The following SH3GL3 variants were observed in gnomAD, a reference collection of about 807,000 sequenced individuals.
SH3GL3 encodes SH3 domain containing GRB2 like 3, endophilin A3.
In SH3GL3, 33 loss-of-function variants were observed where a neutral mutation model predicts 47.7. The ratio of observed to expected loss-of-function variants is 0.69; its 90% confidence interval spans 0.52 to 0.92. The LOEUF is 0.92. SH3GL3 is among the 40% of genes least tolerant of loss of function. The probability of loss-of-function intolerance (pLI) is 0.00; values close to 1 mark genes in which losing one functional copy is unlikely to be tolerated. For synonymous variants in SH3GL3, 155 were observed against 148.8 expected (o/e 1.04, Z -0.30); for missense variants, 363 against 417.8 (o/e 0.87, Z 1.14).
intron 1 of SH3GL3, among the ~76,000 whole-genome samples, chr15:83,516,493 G>A (rs866522357): frequency 4.6e-5 from 7 of 152,126 alleles, no homozygotes; most frequent in African/African-American, 1.4e-4. Flanking sequence ...TTGGCTCATG[G>A]TTCTGCAGGC....
chr15:83,628,529 G>T, the SH3GL3 span, among the ~76,000 whole-genome samples: 1 of 152,086 alleles, frequency 6.6e-6, no homozygotes, highest in East Asian at 1.9e-4. Flanking sequence ...GATCACATGA[G>T]GTCAGGAGTC....
intron 1 of SH3GL3, among the ~76,000 whole-genome samples, chr15:83,535,889 G>A (rs1454935177): frequency 6.6e-6 from 1 of 152,036 alleles, no homozygotes; most frequent in East Asian, 1.9e-4. Flanking sequence ...TTGAAAATGG[G>A]CAAAAAAATA....
In SH3GL3 at chr15:83,495,636, C is replaced by A. The variant is rs188575299; in HGVS notation, c.45+48058C>A. ...CCTGAAGTCCTAGCTACTTGGGAGG[C>A]TGAGGCAGGAGAATTGCTTGAACCC... On this transcript the variant is annotated intron_variant, in intron 1 of 8. Coordinates refer to ENST00000427482, the MANE Select transcript of SH3GL3 (RefSeq NM_003027.5). Among the ~76,000 whole-genome samples the A allele has an allele frequency of 2.2e-3, 338 of 152,232 alleles. 5 individuals carry two copies. Among genetic ancestry groups the A allele is most frequent in the Admixed American group, 0.019 (293 of 15,294 alleles).
chr15:83,500,593 A>T (rs2042253079), intron 1 of SH3GL3, among the ~76,000 whole-genome samples: 1 of 152,230 alleles, frequency 6.6e-6, no homozygotes, highest in Non-Finnish European at 1.5e-5. Context: ...CTGGAGGGTG[A>T]AACCCGGAAG....
rs570717583 is a variant in SH3GL3 at position 83,610,534 on chromosome 15, G to GA, written c.839-7542dup. Among the ~76,000 whole-genome samples, 42 of 151,612 alleles carry GA rather than the reference G, an allele frequency of 2.8e-4. No homozygotes were observed. The South Asian group carries it at 8.8e-3, about 32-fold the overall frequency. On this transcript the variant is annotated intron_variant, in intron 8 of 8. Transcript: ENST00000427482. The stretch of plus-strand genomic sequence containing the variant: ...AACAGAGCAAGACAGTCTCAAAAAA[G>GA]AAAAAAGGAAAAGGAAAAGAGAAAA...
At chr15:83,502,266 G>C (rs1182060582) in intron 1 of SH3GL3, among the ~76,000 whole-genome samples, 1 of 152,246 alleles carries the variant, frequency 6.6e-6, no homozygotes, top group Non-Finnish European at 1.5e-5. Context: ...GAGCCTAAGG[G>C]TTTGCCGAGT....
intron 5 of SH3GL3, 56 bp from the exon 6 acceptor site, chr15:83,576,527 T>C: frequency 6.8e-7 from 1 of 1,476,456 alleles, no homozygotes; most frequent in Admixed American, 2.2e-5. Context: ...AAATAATTTT[T>C]TGTGCCAGGT....
At chr15:83,498,910 T>G (rs1022987113) in intron 1 of SH3GL3, among the ~76,000 whole-genome samples, 1 of 152,210 alleles carries the variant, frequency 6.6e-6, no homozygotes, top group African/African-American at 2.4e-5. Context: ...TATGCCCTGT[T>G]GGGTTATCCC....
At chr15:83,599,214 T>A in intron 8 of SH3GL3, among the ~76,000 whole-genome samples, 1 of 152,204 alleles carries the variant, frequency 6.6e-6, no homozygotes, top group East Asian at 1.9e-4. Context: ...ATTTTTTTCC[T>A]TAGGTTTTTG....
chr15:83,614,048 A>G (rs1233680288), intron 8 of SH3GL3, among the ~76,000 whole-genome samples: 2 of 152,226 alleles, frequency 1.3e-5, no homozygotes, highest in African/African-American at 4.8e-5. Context: ...AATCCACATT[A>G]AAACAGTTAT....
At chr15:83,616,812 AGAAT>A (rs1238596562) in intron 8 of SH3GL3, among the ~76,000 whole-genome samples, 3 of 152,284 alleles carry the variant, frequency 2.0e-5, no homozygotes, top group Admixed American at 1.3e-4. Flanking sequence ...AAGGAAGAAA[AGAAT>A]GAAGGAAGGA....
intron 1 of SH3GL3, among the ~76,000 whole-genome samples, chr15:83,470,460 C>T (rs1158991508): frequency 1.3e-5 from 2 of 152,148 alleles, no homozygotes; most frequent in African/African-American, 4.8e-5. Flanking sequence ...CTCCTGACCT[C>T]AAGTTATCTG....
chr15:83,595,290 G>C (rs1397825923), intron 8 of SH3GL3, among the ~76,000 whole-genome samples: 2 of 152,130 alleles, frequency 1.3e-5, no homozygotes, highest in East Asian at 3.9e-4. Context: ...TTGTAAGTGG[G>C]AGCTAAACAT....
chr15:83,514,860 C>T (rs187296676), intron 1 of SH3GL3, among the ~76,000 whole-genome samples: 1 of 152,194 alleles, frequency 6.6e-6, no homozygotes. Flanking sequence ...AAATTCCCCT[C>T]ACCGCCAAGA....
chr15:83,568,573 C>T lies in SH3GL3; in HGVS notation c.232C>T (p.Arg78Ter), dbSNP rs760929318. The T allele has an allele frequency of 1.4e-5, 22 of 1,612,944 alleles. No homozygotes were observed. Among genetic ancestry groups the T allele is most frequent in the Admixed American group, 1.0e-4 (6 of 59,990 alleles). The change falls in exon 4 of 9, where the codon CGA becomes TGA. Residue 78 changes from arginine (R) to a stop codon, truncating the protein, a stop_gained. Coordinates refer to ENST00000427482, the MANE Select transcript of SH3GL3 (RefSeq NM_003027.5). LOFTEE classifies it high-confidence loss of function. ...LGMLNTVSKIRGQVKTTGYPQ... is the reference protein window; with the variant it reads ...LGMLNTVSKI ...AATGCTGAACACTGTGTCGAAGATCCGAGGGCAGGTGAAGACCACAGGATA... is the reference window on the plus strand; with the variant it reads ...AATGCTGAACACTGTGTCGAAGATCTGAGGGCAGGTGAAGACCACAGGATA...
chr15:83,616,132 G>A (rs1226560349), intron 8 of SH3GL3, among the ~76,000 whole-genome samples: 1 of 152,028 alleles, frequency 6.6e-6, no homozygotes. Flanking sequence ...GACAGATAAA[G>A]GGTAAATATG....
intron 1 of SH3GL3, among the ~76,000 whole-genome samples, chr15:83,491,128 A>G (rs1387691176): frequency 6.6e-6 from 1 of 152,208 alleles, no homozygotes; most frequent in African/African-American, 2.4e-5. Context: ...GAAAAGTAAG[A>G]CATTAGAAGT....
chr15:83,460,590 T>G (rs1273573266), intron 1 of SH3GL3, among the ~76,000 whole-genome samples: 1 of 152,162 alleles, frequency 6.6e-6, no homozygotes, highest in Non-Finnish European at 1.5e-5. Flanking sequence ...TATTAAGAAT[T>G]TATGGTGCTT....
At chr15:83,503,875 A>G (rs926840197) in intron 1 of SH3GL3, among the ~76,000 whole-genome samples, 2 of 152,242 alleles carry the variant, frequency 1.3e-5, no homozygotes, top group Non-Finnish European at 2.9e-5. Context: ...AGTGTAAGAA[A>G]AGGCGCATTT....
Sources: allele counts gnomAD v4.1 joint callset (sites outside exome capture counted in the v4.1 genomes callset), GRCh38; gene constraint gnomAD v4.1.1; transcripts MANE v1.5; gene names NCBI Gene and HGNC (gene_info 2026-07-23, HGNC 2026-07-21).